USP16: variants seen among roughly 807,000 people sequenced by gnomAD.
USP16 encodes the protein ubiquitin specific peptidase 16.
USP16 carries 77 observed loss-of-function variants against 95.9 expected under a neutral mutation model. The ratio of observed to expected loss-of-function variants is 0.80; its 90% CI spans 0.67 to 0.97. USP16 has a LOEUF of 0.97. USP16 is among the 50% of genes least tolerant of loss of function. The pLI is 0.00. For synonymous variants in USP16, 303 were observed against 318.2 expected (o/e 0.95, Z 0.51); for missense variants, 943 against 959.9 (o/e 0.98, Z 0.23).
chr21:29,040,749 A>C, intron 10 of USP16, 62 bp downstream of exon 10: 1 of 838,938 alleles, frequency 1.2e-6, no homozygotes, highest in Non-Finnish European at 1.8e-6. Context: ...TTAGGACAAG[A>C]TTGCTGGCAC....
At chr21:29,052,326 AAAAG>A (rs1284326593) in intron 16 of USP16, 2 of 152,338 alleles carry the variant, frequency 1.3e-5, no homozygotes, top group East Asian at 1.9e-4. Context: ...GGCAATTTAC[AAAAG>A]AAAGAGGTTT....
intron 10 of USP16, 139 bp downstream of exon 10, chr21:29,040,826 A>T (rs1027199557): frequency 9.8e-6 from 4 of 407,278 alleles, no homozygotes; most frequent in Admixed American, 4.5e-5. Context: ...AGTAAAAATT[A>T]TTCAGTGCTC....
chr21:29,043,996 G>A (rs1009731271), intron 13 of USP16, among the ~76,000 whole-genome samples: 3 of 151,558 alleles, frequency 2.0e-5, no homozygotes, highest in African/African-American at 7.3e-5. Flanking sequence ...GCAGTGGCAC[G>A]ATCTCTGCTC....
Position 29,042,101 on chromosome 21 carries a change from A to C in USP16, c.1119A>C (p.Arg373Ser), listed in dbSNP as rs752285296. 6.2e-7 allele frequency: 1 copy of C among 1,610,874 alleles called. No homozygotes were observed. Residue 373 changes from arginine to serine, a missense_variant, in exon 11 of 18, where the codon AGA becomes AGC. By Grantham distance (110) the Arg-to-Ser change is moderately radical. Transcript: ENST00000399976. ...GTATGATCATGTGTGATCAATGCAG[A>C]ACTGTAAGTAGATGTCATGTATACT... ...LTSMIMCDQC[R>S]TVSLVHESFL...
At chr21:29,029,862 G>T (rs984270994) in intron 2 of USP16, among the ~76,000 whole-genome samples, 1 of 152,094 alleles carries the variant, frequency 6.6e-6, no homozygotes, top group Non-Finnish European at 1.5e-5. Flanking sequence ...TAGTTATGTG[G>T]GTACTAAATC....
intron 1 of USP16, chr21:29,025,037 AG>A (rs1472213552): frequency 3.5e-6 from 1 of 284,040 alleles, no homozygotes; most frequent in Non-Finnish European, 6.7e-6. Flanking sequence ...AGCAGTTAGA[AG>A]GGGAGGAGAG....
At chr21:29,053,549 T>TG in intron 16 of USP16, 1 of 379,122 alleles carries the variant, frequency 2.6e-6, no homozygotes, top group Non-Finnish European at 4.7e-6. Context: ...TTATTTGGTA[T>TG]CTGAGCCAGG....
rs544270538 is a variant in USP16, at chr21:29,054,115, T to C, written c.2400T>C (p.His800=). The C allele has an allele frequency of 1.2e-4, 195 of 1,614,230 alleles. 1 individual carries two copies. In the South Asian group the frequency reaches 1.9e-3, roughly 16 times the overall value. The change falls in exon 18 of 18, where the codon CAT becomes CAC. Residue 800 remains histidine, a synonymous_variant. Transcript: ENST00000399976. ...KGQWFHISDT[H]VQAVPTTKVL... ...AGTGGTTTCACATCAGCGACACACA[T>C]GTGCAAGCTGTGCCTACAACTAAAG... is the stretch of plus-strand genomic sequence containing the variant.
chr21:29,028,029 A>G (rs1601038593), intron 2 of USP16, 55 bp downstream of exon 2: 2 of 1,336,860 alleles, frequency 1.5e-6, no homozygotes, highest in Non-Finnish European at 1.1e-6. Flanking sequence ...AATATGTTTT[A>G]AAATGTAAAA....
At chr21:29,050,046 T>A (rs1333438807) in intron 15 of USP16, 46 bp from the exon 16 acceptor site, 1 of 1,566,590 alleles carries the variant, frequency 6.4e-7, no homozygotes, top group Admixed American at 1.8e-5. Context: ...TTAACCTGTA[T>A]TGCTTTTCCA....
At chr21:29,030,389 G>A (rs1211623216) in intron 2 of USP16, among the ~76,000 whole-genome samples, 1 of 152,152 alleles carries the variant, frequency 6.6e-6, no homozygotes, top group East Asian at 1.9e-4. Flanking sequence ...TCAAGAAAGC[G>A]AAACTTCACA....
Position 29,050,192 on chromosome 21 carries a change from G to A in USP16, c.2193+14G>A. ...CTTAAATGTAAGGTAAGTCAAAGTG[G>A]TCTTTTTCAGGAAAGTCCTTTAAAG... is the stretch of plus-strand genomic sequence containing the variant. On this transcript the variant is annotated intron_variant, in intron 16 of 17. Coordinates refer to ENST00000399976, the MANE Select transcript of USP16 (RefSeq NM_006447.3). The A allele has an allele frequency of 6.2e-7, 1 of 1,609,034 alleles. No homozygotes were observed. Among genetic ancestry groups the A allele is most frequent in the Non-Finnish European group, 8.5e-7 (1 of 1,178,410 alleles).
chr21:29,034,686 A>G, intron 3 of USP16, 151 bp from the exon 4 acceptor site: 1 of 711,324 alleles, frequency 1.4e-6, no homozygotes, highest in South Asian at 2.0e-5. Flanking sequence ...AAGTTTTAAC[A>G]AAATATTGAT....
At position 29,024,707 on chromosome 21, in the gene USP16, G is replaced by C. The variant is rs1298429617; in HGVS notation, c.-112G>C. 1.6e-6 allele frequency: 2 copies of C among 1,289,306 alleles called. No individual in the cohort carries two copies. The highest frequency in any genetic ancestry group is 5.6e-5 in the East Asian group (1 of 18,018). 79.9% of individuals were successfully genotyped at this position (1,289,306 alleles called of 1,614,324 possible). A position where few individuals can be genotyped will look rare whatever the true frequency, so the allele number is the denominator to read the frequency against. On this transcript the variant is annotated 5_prime_UTR_variant, in exon 1 of 18. Coordinates refer to ENST00000399976, the MANE Select transcript of USP16 (RefSeq NM_006447.3). ...TCCGTCGCTCTCAATTCGTCACCAG[G>C]AGGAAGACGGAGCTGGCTGCCCAGC...
chr21:29,045,930 C>T (rs536268801), intron 13 of USP16, among the ~76,000 whole-genome samples: 2 of 152,174 alleles, frequency 1.3e-5, no homozygotes, highest in African/African-American at 2.4e-5. Flanking sequence ...CTCAGCCTCC[C>T]GAGTAGCTGG....
Position 29,037,589 on chromosome 21 carries a change from T to A in USP16, c.636+126T>A, listed in dbSNP as rs958919270. On this transcript the variant is annotated intron_variant, in intron 6 of 17. Transcript: ENST00000399976. Reference sequence around the variant, plus strand: ...TGTATCCAAAGAAAACTTTTTTTTTTTTTTTTTTTTTTTTTGAGACAGGGT... The same window carrying A: ...TGTATCCAAAGAAAACTTTTTTTTTATTTTTTTTTTTTTTTGAGACAGGGT... The A allele has an allele frequency of 6.6e-6, 5 of 754,810 alleles. No homozygotes were observed. In the African/African-American group the frequency reaches 8.2e-5, roughly 12 times the overall value. The allele number at this position is 754,810 out of a possible 1,614,324, so 46.8% of individuals were successfully genotyped here.
At chr21:29,038,845 G>T (rs1218079875) in intron 7 of USP16, among the ~76,000 whole-genome samples, 181 bp from the exon 8 acceptor site, 1 of 152,138 alleles carries the variant, frequency 6.6e-6, no homozygotes, top group African/African-American at 2.4e-5. Context: ...TAGTAGAGCT[G>T]AATTCTGCAT....
At chr21:29,030,817 T>G in intron 3 of USP16, 44 bp downstream of exon 3, 1 of 1,558,452 alleles carries the variant, frequency 6.4e-7, no homozygotes, top group Non-Finnish European at 8.6e-7. Context: ...TAGAAAACTC[T>G]TTGAACTTAC....
intron 16 of USP16, chr21:29,052,034 A>G (rs993916944): frequency 2.4e-4 from 37 of 152,206 alleles, no homozygotes; most frequent in African/African-American, 8.9e-4. Context: ...TTTTGTGATG[A>G]ATTGGATATG....
Sources: gnomAD v4.1 joint callset for allele counts (sites outside exome capture counted in the v4.1 genomes callset) on GRCh38, gnomAD v4.1.1 for gene constraint, MANE v1.5 for transcripts, NCBI Gene and HGNC (gene_info 2026-07-23, HGNC 2026-07-21) for gene names.